COL4A6: variants seen among roughly 807,000 people sequenced by gnomAD.
COL4A6 encodes collagen type IV alpha 6 chain.
Under a neutral mutation model 126.7 loss-of-function variants are expected in COL4A6, and 59 were observed. That is an observed-to-expected ratio of 0.47 (90% CI 0.38 to 0.58). COL4A6 has a LOEUF of 0.58. Among genes scored for constraint, COL4A6 ranks in the 20% least tolerant of loss-of-function variants. The pLI is 0.00. For missense variants in COL4A6, 1,285 were observed against 1,337.3 expected (o/e 0.96, Z 0.61); for synonymous variants, 547 against 496.6 (o/e 1.10, Z -1.35).
chrX:108,178,357 G>A (rs774344462), intron 27 of COL4A6, among the ~76,000 whole-genome samples: 13 of 112,326 alleles, frequency 1.2e-4, no homozygotes, highest in Admixed American at 8.4e-4. Flanking sequence ...AAGGCATGGA[G>A]ATGGACTAGA....
rs761002871 is a variant in COL4A6, at chrX:108,434,021, A to G, written c.63+3921T>C. 1.2e-4 allele frequency among the ~76,000 whole-genome samples: 13 copies of G among 111,984 alleles called. No homozygotes were observed. In the South Asian group the frequency reaches 4.9e-3, roughly 42 times the overall value. ...TGAGGTCAATCAGTTTTTTCTATTA[A>G]TGAGATAATAAGGGAAACAGTATAC... On this transcript the variant is annotated intron_variant, in intron 2 of 44. Transcript: ENST00000334504.
chrX:108,336,277 A>G (rs760347851), intron 2 of COL4A6, among the ~76,000 whole-genome samples: 2 of 112,206 alleles, frequency 1.8e-5, no homozygotes, highest in Non-Finnish European at 3.8e-5. Flanking sequence ...TGGTATATCC[A>G]TACAATGGAA....
chrX:108,182,390 C>T (rs1015381415), intron 23 of COL4A6, among the ~76,000 whole-genome samples: 1 of 112,314 alleles, frequency 8.9e-6, no homozygotes, highest in South Asian at 3.7e-4. Context: ...TGCTTGTAGT[C>T]TGGGCAGCAC....
intron 2 of COL4A6, among the ~76,000 whole-genome samples, chrX:108,410,304 C>T (rs1166356581): frequency 9.0e-6 from 1 of 111,538 alleles, no homozygotes; most frequent in African/African-American, 3.3e-5. Flanking sequence ...TTATTGAACA[C>T]CTACTCTGAG....
chrX:108,208,741 C>T (rs930539320), intron 8 of COL4A6, among the ~76,000 whole-genome samples: 3 of 111,150 alleles, frequency 2.7e-5, no homozygotes, highest in African/African-American at 9.8e-5. Flanking sequence ...TTGACATGGG[C>T]CTGGATAAGG....
chrX:108,376,846 A>G (rs1025755371), intron 2 of COL4A6, among the ~76,000 whole-genome samples: 3 of 112,649 alleles, frequency 2.7e-5, no homozygotes, highest in Admixed American at 9.3e-5. Flanking sequence ...TAATATGTGT[A>G]TATTTAACTC....
intron 3 of COL4A6, among the ~76,000 whole-genome samples, chrX:108,233,849 G>A (rs1463065020): frequency 8.9e-6 from 1 of 112,022 alleles, no homozygotes; most frequent in East Asian, 2.8e-4. Flanking sequence ...TCAATATATA[G>A]TAGTCCCTAT....
intron 3 of COL4A6, among the ~76,000 whole-genome samples, chrX:108,308,427 C>T (rs925333151): frequency 2.7e-5 from 3 of 112,267 alleles, no homozygotes; most frequent in African/African-American, 9.7e-5. Flanking sequence ...CACAATCCAT[C>T]AGGAAATGTC....
intron 30 of COL4A6, 144 bp downstream of exon 30, chrX:108,174,946 T>C (rs947565834): frequency 1.2e-4 from 100 of 802,238 alleles, no homozygotes; most frequent in Non-Finnish European, 1.6e-4. Context: ...GGCAGCCTTC[T>C]TGGATTCCTT....
At chrX:108,297,432 T>A (rs1349694220) in intron 3 of COL4A6, among the ~76,000 whole-genome samples, 1 of 111,142 alleles carries the variant, frequency 9.0e-6, no homozygotes, top group African/African-American at 3.3e-5. Context: ...TGAGGGGCTG[T>A]CCTGTGCATT....
Position 108,191,420 on chromosome X carries a change from C to G in COL4A6, c.1294G>C (p.Gly432Arg), listed in dbSNP as rs1228569256. The change falls in exon 19 of 45, where the codon GGC becomes CGC. Residue 432 changes from glycine (G) to arginine (R), a missense_variant. Physicochemically the swap from Gly to Arg is moderately radical, Grantham distance 125. Coordinates refer to ENST00000334504, the MANE Select transcript of COL4A6 (RefSeq NM_033641.4). ...AGLPGRDGLPGPPGPPGPPSP... is the reference protein window; with the variant it reads ...AGLPGRDGLPRPPGPPGPPSP... ...GGTGGGCCTGGTGGACCTGGTGGGC[C>G]TGGCAAACCATCTCTGCCAGGGAGG... The G allele has an allele frequency of 1.7e-6, 2 of 1,208,847 alleles. No homozygotes were observed. The highest frequency in any genetic ancestry group is 3.5e-5 in the African/African-American group (2 of 57,030).
intron 2 of COL4A6, among the ~76,000 whole-genome samples, chrX:108,387,386 T>C (rs1482514695): frequency 2.7e-5 from 3 of 112,110 alleles, no homozygotes; most frequent in South Asian, 7.5e-4. Flanking sequence ...CCTCTCTTAT[T>C]TCCTTGAGCA....
rs756757014 is a variant in COL4A6 at position 108,164,685 on chromosome X, C to T, written c.3984G>A (p.Glu1328=). 2.5e-6 allele frequency: 3 copies of T among 1,209,504 alleles called. No individual in the cohort carries two copies. The highest frequency in any genetic ancestry group is 3.5e-5 in the South Asian group (2 of 56,736). The part of the protein sequence containing the change: ...GELGLKGMRG[E]PGFMGTPGKV... ...TGCCTGGAGTCCCCATGAAGCCAGG[C>T]TCACCTCTCATGCCTGACAAAGCCC... The change falls in exon 40 of 45, where the codon GAG becomes GAA. Residue 1328 remains glutamate (E), a synonymous_variant. Coordinates refer to ENST00000334504, the MANE Select transcript of COL4A6 (RefSeq NM_033641.4).
At chrX:108,179,515 A>C in intron 25 of COL4A6, 77 bp from the exon 26 acceptor site, 1 of 768,692 alleles carries the variant, frequency 1.3e-6, no homozygotes, top group East Asian at 3.3e-5. Flanking sequence ...TCTGAGACAG[A>C]TTTTTCTAAT....
In COL4A6 at chrX:108,178,740, T is replaced by A. The variant is rs374200238; in HGVS notation, c.2459A>T (p.Tyr820Phe). The A allele has an allele frequency of 1.7e-6, 2 of 1,210,038 alleles. No homozygotes were observed. Among genetic ancestry groups the A allele is most frequent in the Non-Finnish European group, 2.2e-6 (2 of 895,152 alleles). ...GAGCCCAGATTTGCCCTTGATGCCA[T>A]ATGGACCACTAGATCCTGGGGTGCC... ...QPGTPGSSGP[Y>F]GIKGKSGLPG... Residue 820 changes from tyrosine (Y) to phenylalanine (F), a missense_variant, in exon 27 of 45, where the codon TAT becomes TTT. Coordinates refer to ENST00000334504, the MANE Select transcript of COL4A6 (RefSeq NM_033641.4).
chrX:108,163,390 G>C, intron 40 of COL4A6: 1 of 163,124 alleles, frequency 6.1e-6, no homozygotes, highest in Non-Finnish European at 1.1e-5. Context: ...TCACTGGTTA[G>C]AGCACAGTGC....
At chrX:108,220,827 G>T (rs1188677438) in intron 4 of COL4A6, among the ~76,000 whole-genome samples, 1 of 112,897 alleles carries the variant, frequency 8.9e-6, no homozygotes, top group Non-Finnish European at 1.9e-5. Context: ...AAAATATGCA[G>T]CCTGGGTGGG....
intron 2 of COL4A6, among the ~76,000 whole-genome samples, chrX:108,367,882 T>A (rs1048790077): frequency 1.8e-5 from 2 of 112,090 alleles, no homozygotes; most frequent in African/African-American, 3.2e-5. Context: ...TCAGTCTAGA[T>A]CTTATTCCCT....
At chrX:108,430,395 T>G (rs1006469463) in intron 2 of COL4A6, among the ~76,000 whole-genome samples, 1 of 111,894 alleles carries the variant, frequency 8.9e-6, no homozygotes, top group Non-Finnish European at 1.9e-5. Context: ...AGAAAAGCAG[T>G]TGGGTCAGAA....
Sources: gnomAD v4.1 joint callset for allele counts (sites outside exome capture counted in the v4.1 genomes callset) on GRCh38, gnomAD v4.1.1 for gene constraint, MANE v1.5 for transcripts, NCBI Gene and HGNC (gene_info 2026-07-23, HGNC 2026-07-21) for gene names.